The following CNTNAP2 variants were observed in gnomAD, a reference collection of about 807,000 sequenced individuals.
CNTNAP2 encodes the protein contactin associated protein 2.
A neutral mutation model predicts 155.2 loss-of-function variants in CNTNAP2; 98 were observed. The observed-to-expected ratio is 0.63, with a 90% CI of 0.54 to 0.75. The LOEUF (loss-of-function observed/expected upper bound fraction) is 0.75, where lower values mean the gene tolerates loss of function less well. Among genes scored for constraint, CNTNAP2 ranks in the 30% least tolerant of loss-of-function variants. CNTNAP2 has a pLI of 0.00. For missense variants in CNTNAP2, 1,727 were observed against 1,688.1 expected (o/e 1.02, Z -0.40); for synonymous variants, 651 against 631.2 (o/e 1.03, Z -0.47).
chr7:147,821,669 C>G (rs1268508873), intron 13 of CNTNAP2, among the ~76,000 whole-genome samples: 1 of 151,696 alleles, frequency 6.6e-6, no homozygotes, highest in Non-Finnish European at 1.5e-5. Context: ...TGGGGAGGAA[C>G]CTGCAAAGGA....
chr7:146,768,005 C>T (rs1025127417), intron 1 of CNTNAP2, among the ~76,000 whole-genome samples: 2 of 152,076 alleles, frequency 1.3e-5, no homozygotes, highest in African/African-American at 4.8e-5. Context: ...TGACCCTCAA[C>T]TATGTCTAAA....
intron 1 of CNTNAP2, among the ~76,000 whole-genome samples, chr7:146,466,795 A>G (rs1270477699): frequency 6.6e-6 from 1 of 152,216 alleles, no homozygotes; most frequent in Non-Finnish European, 1.5e-5. Flanking sequence ...TTGACAAGCA[A>G]CTAATTAATC....
intron 11 of CNTNAP2, among the ~76,000 whole-genome samples, chr7:147,521,999 A>G (rs893363781): frequency 5.9e-5 from 9 of 152,210 alleles, no homozygotes; most frequent in South Asian, 2.1e-4. Context: ...ACAGTTCTAG[A>G]AGCTGGGAAG....
intron 1 of CNTNAP2, among the ~76,000 whole-genome samples, chr7:146,661,933 G>A (rs1402562316): frequency 1.2e-4 from 18 of 151,922 alleles, no homozygotes; most frequent in Non-Finnish European, 1.6e-4. Context: ...AAATATAAAA[G>A]TTTTAGCTGC....
rs148302488 is a variant in CNTNAP2, at chr7:146,592,956, C to A, written c.98-181315C>A. On this transcript the variant is annotated intron_variant, in intron 1 of 23. Transcript: ENST00000361727. The stretch of plus-strand genomic sequence containing the variant: ...CAACCTCCAGGTTAACAATTCATTT[C>A]TTAAGTTGTTATTGCTTTCAGGTAT... 5.2e-3 allele frequency among the ~76,000 whole-genome samples: 795 copies of A among 151,958 alleles called. 7 individuals carry two copies. The highest frequency in any genetic ancestry group is 0.018 in the African/African-American group (755 of 41,444).
intron 9 of CNTNAP2, among the ~76,000 whole-genome samples, chr7:147,325,003 T>A (rs1442191838): frequency 5.9e-5 from 9 of 152,076 alleles, no homozygotes; most frequent in Non-Finnish European, 1.5e-5. Flanking sequence ...CAAAATAATT[T>A]TAGGAAAATA....
At chr7:146,429,028 GGTT>G in intron 1 of CNTNAP2, among the ~76,000 whole-genome samples, 1 of 152,116 alleles carries the variant, frequency 6.6e-6, no homozygotes, top group East Asian at 1.9e-4. Context: ...AATATCAGAT[GGTT>G]GTAGGTGTGC....
At chr7:147,317,155 A>C (rs556573841) in intron 9 of CNTNAP2, among the ~76,000 whole-genome samples, 1 of 152,196 alleles carries the variant, frequency 6.6e-6, no homozygotes, top group Non-Finnish European at 1.5e-5. Flanking sequence ...TTTCACTGCC[A>C]CTGTGATAAA....
At chr7:147,859,296 T>C (rs2116682320) in intron 13 of CNTNAP2, among the ~76,000 whole-genome samples, 1 of 152,184 alleles carries the variant, frequency 6.6e-6, no homozygotes, top group South Asian at 2.1e-4. Flanking sequence ...ATCTGTTATG[T>C]TACATAGTAA....
chr7:148,035,140 A>T (rs928496014), intron 15 of CNTNAP2, among the ~76,000 whole-genome samples: 6 of 152,222 alleles, frequency 3.9e-5, no homozygotes, highest in African/African-American at 1.4e-4. Context: ...ACTTATAATT[A>T]AAAAAGAAGT....
At chr7:146,744,834 T>G (rs1801782424) in intron 1 of CNTNAP2, among the ~76,000 whole-genome samples, 1 of 152,158 alleles carries the variant, frequency 6.6e-6, no homozygotes, top group Admixed American at 6.5e-5. Context: ...AACACAAAGC[T>G]TAAGTTAAGC....
chr7:146,656,568 G>A (rs1465833096), intron 1 of CNTNAP2, among the ~76,000 whole-genome samples: 1 of 152,068 alleles, frequency 6.6e-6, no homozygotes, highest in African/African-American at 2.4e-5. Context: ...TCAGTCTGTT[G>A]GTTTCCCAAA....
At chr7:147,605,746 G>A (rs1801049751) in intron 12 of CNTNAP2, among the ~76,000 whole-genome samples, 2 of 152,060 alleles carry the variant, frequency 1.3e-5, no homozygotes, top group South Asian at 2.1e-4. Flanking sequence ...AGAAAGAGGG[G>A]CAAGAAACGG....
intron 1 of CNTNAP2, among the ~76,000 whole-genome samples, chr7:146,339,714 G>A (rs141459046): frequency 6.6e-6 from 1 of 152,068 alleles, no homozygotes; most frequent in Non-Finnish European, 1.5e-5. Context: ...TGTGAATGAA[G>A]CCAAGAAACT....
At position 147,031,262 on chromosome 7, in the gene CNTNAP2, A is replaced by AT. The variant is rs544834721; in HGVS notation, c.403-12644dup. On this transcript the variant is annotated intron_variant, in intron 3 of 23. Coordinates refer to ENST00000361727, the MANE Select transcript of CNTNAP2 (RefSeq NM_014141.6). ...TAGGAGGTTTGGAAAGAAAAATAAT[A>AT]TATTTGAGTAAAATTTAAAATAGAT... 2.0e-5 allele frequency among the ~76,000 whole-genome samples: 3 copies of AT among 152,278 alleles called. No homozygotes were observed. In the South Asian group the frequency reaches 6.2e-4, roughly 32 times the overall value.
chr7:146,231,042 A>ATAAAT (rs76111973), intron 1 of CNTNAP2, among the ~76,000 whole-genome samples: 6 of 150,484 alleles, frequency 4.0e-5, no homozygotes, highest in African/African-American at 1.5e-4. Context: ...AAATAAATAA[A>ATAAAT]AAGTTAATAT....
chr7:147,083,844 A>ATTATATACATATACACATGTATGTACATG, intron 4 of CNTNAP2, among the ~76,000 whole-genome samples: 1 of 141,328 alleles, frequency 7.1e-6, no homozygotes, highest in Non-Finnish European at 1.5e-5. Context: ...GTATGTACAT[A>ATTATATACATATACACATGTATGTACATG]TTATATACAT....
intron 3 of CNTNAP2, among the ~76,000 whole-genome samples, chr7:146,977,853 G>A (rs190271726): frequency 6.6e-6 from 1 of 152,210 alleles, no homozygotes; most frequent in Non-Finnish European, 1.5e-5. Context: ...CAAATTACAT[G>A]GGTTGATATG....
At chr7:147,007,612 G>A (rs866636616) in intron 3 of CNTNAP2, among the ~76,000 whole-genome samples, 13 of 151,456 alleles carry the variant, frequency 8.6e-5, no homozygotes, top group Middle Eastern at 3.4e-3. Flanking sequence ...GTTGTGGGCT[G>A]TGTAAGTAAG....
Sources: gnomAD v4.1 joint callset for allele counts (sites outside exome capture counted in the v4.1 genomes callset) on GRCh38, gnomAD v4.1.1 for gene constraint, MANE v1.5 for transcripts, NCBI Gene and HGNC (gene_info 2026-07-23, HGNC 2026-07-21) for gene names.